Variants in TMEFF2 observed in about 807,000 individuals in gnomAD.
TMEFF2 encodes tomoregulin-2.
Under a neutral mutation model 53.8 loss-of-function variants are expected in TMEFF2, and 28 were observed. The observed-to-expected ratio is 0.52, with a 90% CI of 0.39 to 0.71. The LOEUF is 0.71. Among genes scored for constraint, TMEFF2 ranks in the 30% least tolerant of loss-of-function variants. The probability of loss-of-function intolerance (pLI) is 0.00; values close to 1 mark genes in which losing one functional copy is unlikely to be tolerated. For missense variants in TMEFF2, 353 were observed against 455.2 expected (o/e 0.78, Z 2.04); for synonymous variants, 162 against 166.3 (o/e 0.97, Z 0.20).
At chr2:192,048,496 ATGTG>A (rs549761965) in intron 5 of TMEFF2, among the ~76,000 whole-genome samples, 71 of 151,998 alleles carry the variant, frequency 4.7e-4, no homozygotes, top group Non-Finnish European at 6.5e-4. Flanking sequence ...CTATGATGGA[ATGTG>A]TGTATTTATA....
intron 5 of TMEFF2, among the ~76,000 whole-genome samples, chr2:192,011,899 T>C (rs1686635372): frequency 6.6e-6 from 1 of 152,192 alleles, no homozygotes; most frequent in Non-Finnish European, 1.5e-5. Flanking sequence ...ATTATCTTTT[T>C]TTTTTGAGAC....
At chr2:192,166,637 G>A (rs1574429440) in intron 4 of TMEFF2, among the ~76,000 whole-genome samples, 1 of 152,130 alleles carries the variant, frequency 6.6e-6, no homozygotes, top group Admixed American at 6.6e-5. Flanking sequence ...AACTCAAGCA[G>A]TTACAATACT....
intron 2 of TMEFF2, among the ~76,000 whole-genome samples, chr2:192,184,777 T>G (rs1156814441): frequency 6.6e-6 from 1 of 152,082 alleles, no homozygotes; most frequent in East Asian, 1.9e-4. Flanking sequence ...AATAAATATA[T>G]TAATGCTACT....
chr2:192,008,756 G>A (rs1686560056), intron 5 of TMEFF2, among the ~76,000 whole-genome samples: 1 of 152,142 alleles, frequency 6.6e-6, no homozygotes, highest in South Asian at 2.1e-4. Context: ...CATATTGAAC[G>A]TTTAAGCACA....
At chr2:192,019,965 C>T (rs1686825811) in intron 5 of TMEFF2, among the ~76,000 whole-genome samples, 1 of 152,024 alleles carries the variant, frequency 6.6e-6, no homozygotes, top group Non-Finnish European at 1.5e-5. Flanking sequence ...TGTGTCTGAG[C>T]AGATACACAC....
chr2:192,048,983 A>G (rs1036050618), intron 5 of TMEFF2, among the ~76,000 whole-genome samples: 2 of 152,240 alleles, frequency 1.3e-5, no homozygotes, highest in African/African-American at 4.8e-5. Flanking sequence ...GAAGGGGACT[A>G]CAAAGAAATA....
rs554268960 is a variant in TMEFF2 at position 191,984,697 on chromosome 2, A to G, written c.745+13565T>C. Among the ~76,000 whole-genome samples the G allele has an allele frequency of 1.4e-3, 215 of 152,212 alleles. 2 individuals carry two copies. The highest frequency in any genetic ancestry group is 4.8e-3 in the African/African-American group (201 of 41,546). ...AAACATTCTAAACATGTTGAGCCCA[A>G]TAAACTCGTCCATTAGTTAGAAACC... On this transcript the variant is annotated intron_variant, in intron 7 of 9. Transcript: ENST00000272771.
intron 7 of TMEFF2, among the ~76,000 whole-genome samples, chr2:191,978,206 C>T (rs1433442908): frequency 6.6e-6 from 1 of 152,110 alleles, no homozygotes; most frequent in Non-Finnish European, 1.5e-5. Context: ...ATGCATCTTG[C>T]TACCTTTTCC....
chr2:192,076,033 C>T (rs1688424774), intron 4 of TMEFF2, among the ~76,000 whole-genome samples: 1 of 151,848 alleles, frequency 6.6e-6, no homozygotes, highest in Admixed American at 6.6e-5. Context: ...TGTGGTCTCT[C>T]TGTGGGCATA....
chr2:192,063,286 G>A (rs1002678460), intron 4 of TMEFF2, among the ~76,000 whole-genome samples: 4 of 151,778 alleles, frequency 2.6e-5, no homozygotes, highest in Admixed American at 6.6e-5. Flanking sequence ...TATCCTTTGA[G>A]ATTTCTTAGA....
chr2:192,188,294 T>C (rs1691365576), intron 2 of TMEFF2, among the ~76,000 whole-genome samples: 1 of 152,242 alleles, frequency 6.6e-6, no homozygotes, highest in Admixed American at 6.5e-5. Context: ...TACCTGGCTC[T>C]TTCTTTCTCT....
At chr2:192,167,894 A>G (rs1431233188) in intron 4 of TMEFF2, among the ~76,000 whole-genome samples, 1 of 152,162 alleles carries the variant, frequency 6.6e-6, no homozygotes, top group Non-Finnish European at 1.5e-5. Context: ...GCATGCATCA[A>G]CTAATTGTAT....
chr2:192,182,948 TC>T (rs1443762067), intron 3 of TMEFF2, among the ~76,000 whole-genome samples: 2 of 152,006 alleles, frequency 1.3e-5, no homozygotes, highest in Non-Finnish European at 2.9e-5. Context: ...ATGCTGGTCC[TC>T]CTCCTTTCCT....
chr2:192,131,928 AG>A (rs1159974012), intron 4 of TMEFF2, among the ~76,000 whole-genome samples: 1 of 152,188 alleles, frequency 6.6e-6, no homozygotes, highest in Non-Finnish European at 1.5e-5. Context: ...AAATGGTCTG[AG>A]GTGCCTGACG....
rs758989507 is a variant in TMEFF2, at chr2:191,953,686, T to C, written c.1021A>G (p.Ile341Val). 2.9e-5 allele frequency: 47 copies of C among 1,613,504 alleles called. No individual in the cohort carries two copies. The highest frequency in any genetic ancestry group is 3.9e-5 in the Non-Finnish European group (46 of 1,179,814). The change falls in exon 9 of 10, where the codon ATC (isoleucine) becomes GTC (valine). Residue 341 changes from isoleucine to valine, a missense_variant. Physicochemically the swap from Ile to Val is conservative, Grantham distance 29. Transcript: ENST00000272771. Reference sequence around the variant, plus strand: ...CCAAGTGCTGTTACTGACCTTGTGATGCAGAGGACCACCACACAGATGACA... The same window carrying C: ...CCAAGTGCTGTTACTGACCTTGTGACGCAGAGGACCACCACACAGATGACA... ...IAVICVVVLC[I>V]TRKCPRSNRI... is the part of the protein sequence containing the mutation.
intron 5 of TMEFF2, among the ~76,000 whole-genome samples, chr2:192,049,520 G>A (rs567663951): frequency 6.6e-6 from 1 of 152,246 alleles, no homozygotes; most frequent in South Asian, 2.1e-4. Flanking sequence ...TGGGACATCG[G>A]AACATGGAGC....
intron 5 of TMEFF2, among the ~76,000 whole-genome samples, chr2:192,029,786 G>T (rs545161248): frequency 1.1e-4 from 17 of 152,284 alleles, no homozygotes; most frequent in African/African-American, 4.1e-4. Flanking sequence ...CATACCCATT[G>T]CATGTTGAGA....
chr2:192,141,083 T>C (rs963337826), intron 4 of TMEFF2, among the ~76,000 whole-genome samples: 1 of 152,128 alleles, frequency 6.6e-6, no homozygotes, highest in African/African-American at 2.4e-5. Flanking sequence ...GGCTCAAAAC[T>C]TATAGGTATG....
chr2:192,075,332 T>TATATATGTAC (rs796267672), intron 4 of TMEFF2, among the ~76,000 whole-genome samples: 1 of 88,148 alleles, frequency 1.1e-5, no homozygotes, highest in African/African-American at 4.1e-5. Context: ...TATATATATA[T>TATATATGTAC]ACATACATAC....
Sources: gnomAD v4.1 joint callset for allele counts (sites outside exome capture counted in the v4.1 genomes callset) on GRCh38, gnomAD v4.1.1 for gene constraint, MANE v1.5 for transcripts, NCBI Gene and HGNC (gene_info 2026-07-23, HGNC 2026-07-21) for gene names.